LY75: variants seen among roughly 807,000 people sequenced by gnomAD.
LY75 encodes the protein lymphocyte antigen 75.
A neutral mutation model predicts 231.7 loss-of-function variants in LY75; 185 were observed. The observed-to-expected ratio is 0.80, with a 90% confidence interval of 0.71 to 0.90. The LOEUF is 0.90. LY75 is among the 40% of genes least tolerant of loss of function. The pLI, the probability that LY75 is intolerant of heterozygous loss-of-function variation, is 0.00. For missense variants in LY75, 1,947 were observed against 2,050.2 expected, an observed-to-expected ratio of 0.95 and a Z score of 0.97; for synonymous variants, 668 against 689.0, an observed-to-expected ratio of 0.97 and a Z score of 0.48.
chr2:159,846,825 T>C (rs776340594), intron 23 of LY75, among the ~76,000 whole-genome samples: 4 of 152,148 alleles, frequency 2.6e-5, no homozygotes, highest in South Asian at 2.1e-4. Flanking sequence ...AAGGGTTTGA[T>C]AGATAAATTT....
intron 34 of LY75, 126 bp from the exon 35 acceptor site, chr2:159,805,348 T>G (rs181373651): frequency 1.7e-6 from 1 of 604,092 alleles, no homozygotes; most frequent in South Asian, 2.4e-5. Flanking sequence ...TAAATCTGAT[T>G]GTTTCATAGC....
chr2:159,869,169 G>A (rs186550929), intron 13 of LY75, among the ~76,000 whole-genome samples: 1 of 152,156 alleles, frequency 6.6e-6, no homozygotes, highest in East Asian at 1.9e-4. Flanking sequence ...TGATGGGGGA[G>A]GGATAGCATT....
chr2:159,839,567 A>C (rs1683939494), intron 25 of LY75, among the ~76,000 whole-genome samples: 1 of 152,100 alleles, frequency 6.6e-6, no homozygotes, highest in South Asian at 2.1e-4. Context: ...TACTTTGCTG[A>C]ATTTTTTCTT....
In LY75 at chr2:159,879,254, C is replaced by T. The variant is rs745784811; in HGVS notation, c.1515+5G>A. 2 of 1,608,480 alleles carry T rather than the reference C, an allele frequency of 1.2e-6. No individual in the cohort carries two copies. The highest frequency in any genetic ancestry group is 1.3e-5 in the African/African-American group (1 of 74,560). On this transcript the variant is annotated splice_donor_5th_base_variant and intron_variant, in intron 9 of 34. Transcript: ENST00000263636. ...TGAGAAAATTTACATAGGGATTTTACCTACCTCATCTGGAGGACACATCTT... is the reference window on the plus strand; with the variant it reads ...TGAGAAAATTTACATAGGGATTTTATCTACCTCATCTGGAGGACACATCTT...
chr2:159,859,969 G>C (rs60661880), intron 15 of LY75, among the ~76,000 whole-genome samples: 1 of 151,976 alleles, frequency 6.6e-6, no homozygotes, highest in African/African-American at 2.4e-5. Context: ...CTTGTATTTC[G>C]CATGTCATAG....
chr2:159,854,767 G>A (rs2125856808), intron 17 of LY75, 137 bp downstream of exon 17: 6 of 1,316,708 alleles, frequency 4.6e-6, no homozygotes, highest in East Asian at 2.5e-5. Flanking sequence ...CATACCAGTC[G>A]CTCACCTTCC....
chr2:159,836,876 T>C (rs1683848609), intron 25 of LY75, among the ~76,000 whole-genome samples: 3 of 152,250 alleles, frequency 2.0e-5, no homozygotes, highest in Non-Finnish European at 4.4e-5. Context: ...ACCCTGTCCC[T>C]GATCCTTTGG....
At chr2:159,812,606 T>A (rs1419771916) in intron 31 of LY75, among the ~76,000 whole-genome samples, 2 of 151,906 alleles carry the variant, frequency 1.3e-5, no homozygotes, top group African/African-American at 4.8e-5. Flanking sequence ...AGAGACGGAG[T>A]CTTACTGTGT....
chr2:159,823,301 T>C (rs150969274), intron 28 of LY75, among the ~76,000 whole-genome samples: 101 of 152,198 alleles, frequency 6.6e-4, no homozygotes, highest in African/African-American at 2.3e-3. Flanking sequence ...TCGTGAAGCA[T>C]ACACAAGTAT....
At position 159,890,310 on chromosome 2, in the gene LY75, C is replaced by T; in HGVS notation, c.705G>A (p.Gln235=). 6.2e-7 allele frequency: 1 copy of T among 1,613,522 alleles called. No individual in the cohort carries two copies. Among genetic ancestry groups the T allele is most frequent in the Non-Finnish European group, 8.5e-7 (1 of 1,179,676 alleles). ...QFGSCYQFNT[Q]TALSWKEAYV... ...AAGCTTCTTTCCAAGAAAGAGCCGT[C>T]TGAGTATTAAATTGGTAGCAACTTC... is the stretch of plus-strand genomic sequence containing the variant. Residue 235 remains glutamine (Q), a synonymous_variant, in exon 4 of 35, where the codon CAG becomes CAA. Transcript: ENST00000263636.
Position 159,843,439 on chromosome 2 carries a change from A to G in LY75, c.3151-1065T>C, listed in dbSNP as rs193272927. On this transcript the variant is annotated intron_variant, in intron 23 of 34. Transcript: ENST00000263636. ...ATAATTGTCATAACGAAAAATGGAA[A>G]TACCAAAATGTAACAATCACTTTGA... is the stretch of plus-strand genomic sequence containing the variant. 5.4e-3 allele frequency among the ~76,000 whole-genome samples: 828 copies of G among 152,208 alleles called. 1 individual carries two copies. The highest frequency in any genetic ancestry group is 0.031 in the Middle Eastern group (9 of 294).
rs1682719133 is a variant in LY75 at position 159,803,641 on chromosome 2, G to A, written c.*1403C>T. Reference sequence around the variant, plus strand: ...TTTTATACAAAAATAAAGTACAAATGTAAGTTAAATGCCGAATAAAACATT... The same window carrying A: ...TTTTATACAAAAATAAAGTACAAATATAAGTTAAATGCCGAATAAAACATT... On this transcript the variant is annotated 3_prime_UTR_variant, in exon 35 of 35. Transcript: ENST00000263636. 6.6e-6 allele frequency: 1 copy of A among 151,126 alleles called. No homozygotes were observed. The highest frequency in any genetic ancestry group is 2.4e-5 in the African/African-American group (1 of 41,058). The allele number at this position is 151,126 out of a possible 1,614,324, so 9.4% of individuals were successfully genotyped here.
At chr2:159,813,490 G>A (rs929600501) in intron 31 of LY75, among the ~76,000 whole-genome samples, 1 of 152,222 alleles carries the variant, frequency 6.6e-6, no homozygotes, top group South Asian at 2.1e-4. Flanking sequence ...GAGGGTGTTA[G>A]GATTGGTTTT....
intron 25 of LY75, among the ~76,000 whole-genome samples, chr2:159,839,031 A>G (rs191856171): frequency 3.9e-5 from 6 of 152,224 alleles, no homozygotes; most frequent in African/African-American, 1.4e-4. Context: ...CCTGACCTCA[A>G]GTGATCCACC....
Position 159,856,060 on chromosome 2 carries a change from C to T in LY75, c.2384-1121G>A, listed in dbSNP as rs540376814. On this transcript the variant is annotated intron_variant, in intron 16 of 34. Transcript: ENST00000263636. ...TTCTTGTCTGTAATCTTGTCAAAGA[C>T]TTCTGATTATTTGTGTGTGGGGGAG... 2.0e-5 allele frequency among the ~76,000 whole-genome samples: 3 copies of T among 152,244 alleles called. No individual in the cohort carries two copies. In the East Asian group the frequency reaches 5.8e-4, roughly 29 times the overall value.
At chr2:159,809,427 C>A (rs925146920) in intron 32 of LY75, among the ~76,000 whole-genome samples, 1 of 152,110 alleles carries the variant, frequency 6.6e-6, no homozygotes, top group Non-Finnish European at 1.5e-5. Context: ...GATGGACAAC[C>A]ATACTACTTT....
chr2:159,848,068 G>GTATATATATATATATATATATA (rs557189751), intron 23 of LY75, among the ~76,000 whole-genome samples: 1 of 123,918 alleles, frequency 8.1e-6, no homozygotes, highest in African/African-American at 3.4e-5. Flanking sequence ...ATTATGGTGT[G>GTATATATATATATATATATATA]TATATATATA....
chr2:159,878,333 G>C lies in LY75; in HGVS notation c.1765C>G (p.Leu589Val). ...AGATTAAGACACTCACCTGGCTCAA[G>C]AAAATTCCAGTTGGAAAAGGTTACA... ...RAVTFSNWNF[L>V]EPASPGGCVA... Residue 589 changes from leucine (L) to valine (V), a missense_variant, in exon 11 of 35, where the codon CTT (leucine) becomes GTT (valine). By Grantham distance (32) the Leu-to-Val change is conservative. Transcript: ENST00000263636. 1.9e-6 allele frequency: 3 copies of C among 1,613,856 alleles called. No individual in the cohort carries two copies. The highest frequency in any genetic ancestry group is 2.5e-6 in the Non-Finnish European group (3 of 1,179,910).
At position 159,878,682 on chromosome 2, in the gene LY75, C is replaced by T; in HGVS notation, c.1555G>A (p.Glu519Lys). Reference protein sequence around the residue: ...RHGETCYKIYEDEVPFGTNCN... With the variant: ...RHGETCYKIYKDEVPFGTNCN... Reference sequence around the variant, plus strand: ...TTTGTTCCAAAAGGGACCTCATCCTCATAAATCTTGTAACAGGTTTCTCCA... The same window carrying T: ...TTTGTTCCAAAAGGGACCTCATCCTTATAAATCTTGTAACAGGTTTCTCCA... Residue 519 changes from glutamate (E) to lysine (K), a missense_variant, in exon 10 of 35, where the codon GAG becomes AAG. By Grantham distance (56) the Glu-to-Lys change is moderately conservative. Transcript: ENST00000263636. 6.2e-7 allele frequency: 1 copy of T among 1,613,982 alleles called. No homozygotes were observed. Among genetic ancestry groups the T allele is most frequent in the African/African-American group, 1.3e-5 (1 of 75,024 alleles).
Sources: gnomAD v4.1 joint callset for allele counts (sites outside exome capture counted in the v4.1 genomes callset) on GRCh38, gnomAD v4.1.1 for gene constraint, MANE v1.5 for transcripts, NCBI Gene and HGNC (gene_info 2026-07-23, HGNC 2026-07-21) for gene names.